Variants in SLC27A4 observed in about 807,000 individuals in gnomAD.
SLC27A4 encodes solute carrier family 27 member 4, also known as long-chain fatty acid transport protein 4.
A neutral mutation model predicts 64.4 loss-of-function variants in SLC27A4; 33 were observed. The observed-to-expected ratio is 0.51, with a 90% confidence interval of 0.39 to 0.68. The LOEUF is 0.68. SLC27A4 is among the 30% of genes least tolerant of loss of function. The pLI is 0.00. For missense variants in SLC27A4, 824 were observed against 883.5 expected, an observed-to-expected ratio of 0.93 and a Z score of 0.85; for synonymous variants, 377 against 370.0, an observed-to-expected ratio of 1.02 and a Z score of -0.22.
Position 128,350,399 on chromosome 9 carries a change from A to C in SLC27A4, c.785+18A>C. The stretch of plus-strand genomic sequence containing the variant: ...CACAGCAGGTAAGGGGCAGGTGCCC[A>C]GGGTGGGGTAGGCACAGGCAGGGCT... On this transcript the variant is annotated intron_variant, in intron 5 of 12. Transcript: ENST00000300456. 1 of 1,613,454 alleles carries C rather than the reference A, an allele frequency of 6.2e-7. No individual in the cohort carries two copies. The highest frequency in any genetic ancestry group is 8.5e-7 in the Non-Finnish European group (1 of 1,179,778).
intron 3 of SLC27A4, among the ~76,000 whole-genome samples, chr9:128,346,034 G>T (rs954368616): frequency 1.3e-5 from 2 of 151,984 alleles, no homozygotes; most frequent in Non-Finnish European, 2.9e-5. Context: ...CTGAATAGCT[G>T]GGACCACAGA....
chr9:128,360,374 C>A lies in SLC27A4; in HGVS notation c.1815C>A (p.Gly605=), dbSNP rs1209488031. 1 of 1,614,172 alleles carries A rather than the reference C, an allele frequency of 6.2e-7. No individual in the cohort carries two copies. The highest frequency in any genetic ancestry group is 8.5e-7 in the Non-Finnish European group (1 of 1,180,032). ...AGAAGACAGAGCTACGGAAGGAGGG[C>A]TTTGACCCGGCTATTGTGAAAGACC... The part of the protein sequence containing the change: ...KFQKTELRKE[G]FDPAIVKDPL... The change falls in exon 13 of 13, where the codon GGC becomes GGA. Residue 605 remains glycine, a synonymous_variant. Coordinates refer to ENST00000300456, the MANE Select transcript of SLC27A4 (RefSeq NM_005094.4).
chr9:128,360,729 C>T lies in SLC27A4; in HGVS notation c.*238C>T. The T allele has an allele frequency of 1.8e-6, 1 of 551,224 alleles. No individual in the cohort carries two copies. Among genetic ancestry groups the T allele is most frequent in the Non-Finnish European group, 3.3e-6 (1 of 306,288 alleles). 34.1% of individuals were successfully genotyped at this position (551,224 alleles called of 1,614,324 possible). A position where few individuals can be genotyped will look rare whatever the true frequency, so the allele number is the denominator to read the frequency against. ...TCTGGGCTGGGCAGGCCCTCTGGTT[C>T]CCAGGCTGAGACTGACGGGTTTTCT... On this transcript the variant is annotated 3_prime_UTR_variant, in exon 13 of 13. Transcript: ENST00000300456.
intron 3 of SLC27A4, among the ~76,000 whole-genome samples, chr9:128,347,426 C>T (rs7041408): frequency 0.17 from 25,143 of 152,078 alleles, 4,324 homozygotes; most frequent in African/African-American, 0.44. Flanking sequence ...ATAGGGAAGT[C>T]ATTAGGATGC....
rs1313962471 is a variant in SLC27A4 at position 128,345,469 on chromosome 9, A to T, written c.476A>T (p.Asn159Ile). The change falls in exon 3 of 13, where the codon AAC becomes ATC. Residue 159 changes from asparagine to isoleucine, a missense_variant. Transcript: ENST00000300456. This position sits in a 1 kb window ranked among gnomAD's most constrained non-coding sequence, Gnocchi z 4.1. ...LGVEAALINT[N>I]LRRDALLHCL... is the part of the protein sequence containing the mutation. ...GTGGAGGCAGCCCTCATCAACACCAACCTGCGGCGGGATGCTCTGCTCCAC... is the reference window on the plus strand; with the variant it reads ...GTGGAGGCAGCCCTCATCAACACCATCCTGCGGCGGGATGCTCTGCTCCAC... 6.2e-7 allele frequency: 1 copy of T among 1,613,130 alleles called. No homozygotes were observed. Among genetic ancestry groups the T allele is most frequent in the Non-Finnish European group, 8.5e-7 (1 of 1,179,918 alleles).
At chr9:128,340,868 G>A (rs1306180816) in intron 1 of SLC27A4, 30 bp downstream of exon 1, 1 of 616,800 alleles carries the variant, frequency 1.6e-6, no homozygotes, top group Non-Finnish European at 3.0e-6. Context: ...GTGGGTTCCC[G>A]GGTGGGGACA....
At chr9:128,350,975 C>A (rs955042129) in intron 6 of SLC27A4, among the ~76,000 whole-genome samples, 2 of 152,200 alleles carry the variant, frequency 1.3e-5, no homozygotes, top group African/African-American at 4.8e-5. Flanking sequence ...TGCCTGTAGG[C>A]CCAGCTACTC....
At chr9:128,351,982 C>G (rs1213538049) in intron 6 of SLC27A4, among the ~76,000 whole-genome samples, 9 of 149,158 alleles carry the variant, frequency 6.0e-5, no homozygotes, top group East Asian at 2.0e-4. Flanking sequence ...GTCAGGAGAT[C>G]AAGACCATCC....
Position 128,345,361 on chromosome 9 carries a change from T to G in SLC27A4, c.368T>G (p.Leu123Arg). 1.2e-6 allele frequency: 2 copies of G among 1,613,732 alleles called. No homozygotes were observed. The highest frequency in any genetic ancestry group is 1.7e-6 in the Non-Finnish European group (2 of 1,179,996). The change falls in exon 3 of 13, where the codon CTG becomes CGG. Residue 123 changes from leucine (L) to arginine (R), a missense_variant. Transcript: ENST00000300456. The surrounding 1 kb of genome is among the most constrained non-coding windows in gnomAD (Gnocchi z 4.1). ...GCCAACTTCCTGCAGGCCCGGGGCCTGGCCTCGGGCGATGTGGCTGCCATC... is the reference window on the plus strand; with the variant it reads ...GCCAACTTCCTGCAGGCCCGGGGCCGGGCCTCGGGCGATGTGGCTGCCATC... Reference protein sequence around the residue: ...SVANFLQARGLASGDVAAIFM... With the variant: ...SVANFLQARGRASGDVAAIFM...
Position 128,353,603 on chromosome 9 carries a change from TGTGGATGGGGAG to T in SLC27A4, c.1324+63_1324+74del. ...CTGGGAAGGAAGGAGGCCAGGCGCG[TGTGGATGGGGAG>T]CCTTGTTCTGACCAGTGGCCATCAG... On this transcript the variant is annotated intron_variant, in intron 9 of 12. Coordinates refer to ENST00000300456, the MANE Select transcript of SLC27A4 (RefSeq NM_005094.4). The surrounding 1 kb of genome is among the most constrained non-coding windows in gnomAD (Gnocchi z 4.9). 1 of 1,577,942 alleles carries T rather than the reference TGTGGATGGGGAG, an allele frequency of 6.3e-7. No individual in the cohort carries two copies. The highest frequency in any genetic ancestry group is 8.7e-7 in the Non-Finnish European group (1 of 1,154,320).
rs1832691601 is a variant in SLC27A4 at position 128,348,638 on chromosome 9, A to G, written c.650A>G (p.His217Arg). The G allele has an allele frequency of 6.2e-7, 1 of 1,613,920 alleles. No homozygotes were observed. The highest frequency in any genetic ancestry group is 8.5e-7 in the Non-Finnish European group (1 of 1,180,032). Residue 217 changes from histidine (H) to arginine (R), a missense_variant, in exon 4 of 13, where the codon CAC becomes CGC. Transcript: ENST00000300456. ...GGTGCGGTGCCTCCAAGCACAGAACACCTGGACCCTCTGCTGAAAGATGCT... is the reference window on the plus strand; with the variant it reads ...GGTGCGGTGCCTCCAAGCACAGAACGCCTGGACCCTCTGCTGAAAGATGCT... ...EPGAVPPSTE[H>R]LDPLLKDAPK...
Position 128,345,218 on chromosome 9 carries a change from A to G in SLC27A4, c.225A>G (p.Thr75=), listed in dbSNP as rs768679929. Reference sequence around the variant, plus strand: ...GACAGTGCCTGCAGGAGCGGCGGACAGTGCCCATTTTGTTTGCCTCTACCG... The same window carrying G: ...GACAGTGCCTGCAGGAGCGGCGGACGGTGCCCATTTTGTTTGCCTCTACCG... The part of the protein sequence containing the change: ...KVRQCLQERR[T]VPILFASTVR... The change falls in exon 3 of 13, where the codon ACA becomes ACG. Residue 75 remains threonine, a synonymous_variant. Transcript: ENST00000300456. This position sits in a 1 kb window ranked among gnomAD's most constrained non-coding sequence, Gnocchi z 4.1. The G allele has an allele frequency of 4.0e-5, 64 of 1,613,620 alleles. No homozygotes were observed. Among genetic ancestry groups the G allele is most frequent in the Non-Finnish European group, 5.0e-5 (59 of 1,180,022 alleles).
chr9:128,352,415 A>G (rs1832750770), intron 6 of SLC27A4, among the ~76,000 whole-genome samples: 1 of 151,992 alleles, frequency 6.6e-6, no homozygotes, highest in South Asian at 2.1e-4. Context: ...TGTATATGTG[A>G]GTGTAGGAGA....
In SLC27A4 at chr9:128,353,411, G is replaced by A. The variant is rs368870321; in HGVS notation, c.1198-4G>A. 2.4e-5 allele frequency: 38 copies of A among 1,614,048 alleles called. No individual in the cohort carries two copies. The highest frequency in any genetic ancestry group is 2.9e-5 in the Non-Finnish European group (34 of 1,180,042). On this transcript the variant is annotated splice_polypyrimidine_tract_variant and splice_region_variant and intron_variant, in intron 8 of 12. Transcript: ENST00000300456. This position sits in a 1 kb window ranked among gnomAD's most constrained non-coding sequence, Gnocchi z 4.9. The stretch of plus-strand genomic sequence containing the variant: ...AGCCCAGGCCCAAGTCTTGGCCTTC[G>A]CAGGTGGGGGCCTGTGGTTTCAATA...
chr9:128,346,546 T>C (rs1832659908), intron 3 of SLC27A4, among the ~76,000 whole-genome samples: 1 of 152,002 alleles, frequency 6.6e-6, no homozygotes, highest in African/African-American at 2.4e-5. Context: ...AAAAAAGTTT[T>C]TAAAAAATTA....
intron 4 of SLC27A4, among the ~76,000 whole-genome samples, chr9:128,349,172 C>T (rs1057040873): frequency 6.6e-6 from 1 of 152,184 alleles, no homozygotes; most frequent in Non-Finnish European, 1.5e-5. Context: ...GACCCCACCT[C>T]CAGGCAGCCT....
chr9:128,353,150 T>A lies in SLC27A4; in HGVS notation c.1113T>A (p.Phe371Leu). The change falls in exon 8 of 13, where the codon TTT (phenylalanine) becomes TTA (leucine). Residue 371 changes from phenylalanine to leucine, a missense_variant. By Grantham distance (22) the Phe-to-Leu change is conservative. Transcript: ENST00000300456. This position sits in a 1 kb window ranked among gnomAD's most constrained non-coding sequence, Gnocchi z 4.9. ...TCCGGCAGTCCATCTGGACCAACTT[T>A]TCCAGCCGCTTCCACATACCCCAGG... ...NGLRQSIWTN[F>L]SSRFHIPQVA... 3 of 1,614,162 alleles carry A rather than the reference T, an allele frequency of 1.9e-6. No homozygotes were observed. Among genetic ancestry groups the A allele is most frequent in the Non-Finnish European group, 2.5e-6 (3 of 1,180,030 alleles).
rs1832646472 is a variant in SLC27A4, at chr9:128,345,676, T to C, written c.556+127T>C. ...AGGGCACAGAGTGGAGTCAGACAGC[T>C]TAGGCAGTGCCACGAGTAAACGAGA... On this transcript the variant is annotated intron_variant, in intron 3 of 12. Coordinates refer to ENST00000300456, the MANE Select transcript of SLC27A4 (RefSeq NM_005094.4). This position sits in a 1 kb window ranked among gnomAD's most constrained non-coding sequence, Gnocchi z 4.1. 8 of 1,130,810 alleles carry C rather than the reference T, an allele frequency of 7.1e-6. No homozygotes were observed. Among genetic ancestry groups the C allele is most frequent in the Non-Finnish European group, 9.7e-6 (8 of 821,134 alleles). 70.0% of individuals were successfully genotyped at this position (1,130,810 alleles called of 1,614,324 possible). A position where few individuals can be genotyped will look rare whatever the true frequency, so the allele number is the denominator to read the frequency against.
intron 1 of SLC27A4, chr9:128,342,883 G>A: frequency 1.7e-6 from 1 of 578,132 alleles, no homozygotes; most frequent in Non-Finnish European, 3.1e-6. Flanking sequence ...ATGGGACTAT[G>A]AGACGAGAAC....
Sources: allele counts gnomAD v4.1 joint callset (sites outside exome capture counted in the v4.1 genomes callset), GRCh38; gene constraint gnomAD v4.1.1; non-coding constraint Gnocchi (gnomAD v3.1); transcripts MANE v1.5; gene names NCBI Gene and HGNC (gene_info 2026-07-23, HGNC 2026-07-21).